TMEM131: variants seen among roughly 807,000 people sequenced by gnomAD.
TMEM131 encodes the protein 2610524E03Rik.
In TMEM131, 66 loss-of-function variants were observed where a neutral mutation model predicts 211.6. That is an observed-to-expected ratio of 0.31 (90% CI 0.26 to 0.38). The LOEUF (loss-of-function observed/expected upper bound fraction) is 0.38, where lower values mean the gene tolerates loss of function less well. Among genes scored for constraint, TMEM131 ranks in the 10% least tolerant of loss-of-function variants. The pLI is 1.00. For missense variants in TMEM131, 2,036 were observed against 2,299.3 expected, an observed-to-expected ratio of 0.89 and a Z score of 2.34; for synonymous variants, 844 against 841.3, an observed-to-expected ratio of 1.00 and a Z score of -0.06.
intron 1 of TMEM131, among the ~76,000 whole-genome samples, chr2:97,994,097 T>C (rs1427798045): frequency 1.3e-5 from 2 of 152,140 alleles, no homozygotes; most frequent in Non-Finnish European, 2.9e-5. Flanking sequence ...CCAAAAAATG[T>C]CCATTAAATT....
At chr2:97,875,495 T>C (rs1469593347) in intron 4 of TMEM131, among the ~76,000 whole-genome samples, 5 of 152,118 alleles carry the variant, frequency 3.3e-5, no homozygotes, top group Non-Finnish European at 5.9e-5. Context: ...ATATGCAAGA[T>C]AACAGAAATC....
intron 1 of TMEM131, among the ~76,000 whole-genome samples, chr2:97,948,528 G>A (rs1312927085): frequency 6.6e-6 from 1 of 152,092 alleles, no homozygotes; most frequent in Non-Finnish European, 1.5e-5. Context: ...CCAATAAAAT[G>A]ATTAAGATGA....
chr2:97,910,893 C>A (rs1348182813), intron 2 of TMEM131, among the ~76,000 whole-genome samples: 1 of 152,042 alleles, frequency 6.6e-6, no homozygotes, highest in Non-Finnish European at 1.5e-5. Flanking sequence ...AAACATACAC[C>A]TACCATATGA....
chr2:97,844,190 A>G lies in TMEM131; in HGVS notation c.555T>C (p.Asn185=). ...FLARVVGNVE[N]TLFINTSNHG... ...GATTAGATGTATTAATAAATAAAGT[A>G]TTTTCTACATTTCCTACTACTCTTG... The change falls in exon 6 of 41, where the codon AAT becomes AAC. Residue 185 remains asparagine (N), a synonymous_variant. Transcript: ENST00000186436. 7.6e-7 allele frequency: 1 copy of G among 1,315,416 alleles called. No individual in the cohort carries two copies. 81.5% of individuals were successfully genotyped at this position (1,315,416 alleles called of 1,614,324 possible). A position where few individuals can be genotyped will look rare whatever the true frequency, so the allele number is the denominator to read the frequency against.
chr2:97,946,008 A>G (rs1042635488), intron 1 of TMEM131, among the ~76,000 whole-genome samples: 5 of 152,140 alleles, frequency 3.3e-5, no homozygotes, highest in African/African-American at 1.2e-4. Context: ...GTGGTATTAT[A>G]GCCATCTTAA....
intron 3 of TMEM131, among the ~76,000 whole-genome samples, chr2:97,890,921 G>A (rs1675349915): frequency 6.6e-6 from 1 of 152,184 alleles, no homozygotes; most frequent in Non-Finnish European, 1.5e-5. Flanking sequence ...AGAAGAAACA[G>A]TACATCAAAT....
intron 2 of TMEM131, among the ~76,000 whole-genome samples, chr2:97,925,172 CT>C (rs1194688455): frequency 9.8e-5 from 15 of 152,320 alleles, no homozygotes; most frequent in African/African-American, 3.4e-4. Context: ...GTGTCCACCC[CT>C]GCCTCTATTT....
chr2:97,761,046 CTCA>C, intron 36 of TMEM131, 132 bp from the exon 37 acceptor site: 1 of 1,220,372 alleles, frequency 8.2e-7, no homozygotes, highest in Admixed American at 2.2e-5. Context: ...ATCGCTCAGC[CTCA>C]TGTCACATGC....
At chr2:97,824,040 A>C (rs1682255394) in intron 11 of TMEM131, among the ~76,000 whole-genome samples, 1 of 152,218 alleles carries the variant, frequency 6.6e-6, no homozygotes, top group Admixed American at 6.5e-5. Context: ...AAGGCCCTCA[A>C]ACAAACCTTG....
In TMEM131 at chr2:97,792,995, G is replaced by A; in HGVS notation, c.3546-11C>T. The A allele has an allele frequency of 6.6e-7, 1 of 1,512,338 alleles. No individual in the cohort carries two copies. Among genetic ancestry groups the A allele is most frequent in the South Asian group, 1.3e-5 (1 of 78,990 alleles). The allele number at this position is 1,512,338 out of a possible 1,614,324, so 93.7% of individuals were successfully genotyped here. A position where few individuals can be genotyped will look rare whatever the true frequency, so the allele number is the denominator to read the frequency against. ...CTGAGTGTGTTCAAGCTGAAAAAGG[G>A]ACCAACTGCAGATCAGTAAATAGCA... On this transcript the variant is annotated splice_polypyrimidine_tract_variant and intron_variant, in intron 30 of 40. Transcript: ENST00000186436.
chr2:97,785,766 A>T (rs1258393734), intron 31 of TMEM131, among the ~76,000 whole-genome samples: 1 of 152,216 alleles, frequency 6.6e-6, no homozygotes, highest in East Asian at 1.9e-4. Context: ...GACATAATCC[A>T]AATGTTCTTC....
chr2:97,856,280 G>A, intron 5 of TMEM131, among the ~76,000 whole-genome samples: 1 of 152,026 alleles, frequency 6.6e-6, no homozygotes. Context: ...ATTATAATTA[G>A]ATAATTATAT....
At position 97,954,276 on chromosome 2, in the gene TMEM131, G is replaced by A. The variant is rs574277679; in HGVS notation, c.188-26789C>T. 2.2e-4 allele frequency among the ~76,000 whole-genome samples: 33 copies of A among 152,268 alleles called. No homozygotes were observed. In the South Asian group the frequency reaches 5.6e-3, roughly 26 times the overall value. On this transcript the variant is annotated intron_variant, in intron 1 of 40. Transcript: ENST00000186436. ...AAACTGAAAAGGCTCTAGCAAGACT[G>A]ACAAAAAGGTGAAGACACAAAGCAC... is the stretch of plus-strand genomic sequence containing the variant.
chr2:97,895,844 G>GT (rs1244431215), intron 3 of TMEM131, among the ~76,000 whole-genome samples: 1 of 151,958 alleles, frequency 6.6e-6, no homozygotes, highest in Non-Finnish European at 1.5e-5. Context: ...TTTTTGAAGG[G>GT]TTTTTTGTGT....
At chr2:97,826,711 A>G (rs927387471) in intron 11 of TMEM131, among the ~76,000 whole-genome samples, 1 of 152,220 alleles carries the variant, frequency 6.6e-6, no homozygotes, top group African/African-American at 2.4e-5. Context: ...AAAGAAAAAG[A>G]AATGGAAGTA....
chr2:97,817,065 G>C (rs772458220), intron 12 of TMEM131, among the ~76,000 whole-genome samples: 23 of 152,134 alleles, frequency 1.5e-4, no homozygotes, highest in Non-Finnish European at 2.9e-4. Flanking sequence ...TCCCTTTGCT[G>C]TTGTTATTTA....
rs999113391 is a variant in TMEM131 at position 97,757,241 on chromosome 2, G to C, written c.5510C>G (p.Ser1837Cys). 6 of 1,614,012 alleles carry C rather than the reference G, an allele frequency of 3.7e-6. No individual in the cohort carries two copies. The highest frequency in any genetic ancestry group is 1.7e-5 in the Admixed American group (1 of 60,020). Reference protein sequence around the residue: ...ASIGLMGTENSPAPHAPSTSS... With the variant: ...ASIGLMGTENCPAPHAPSTSS... Reference sequence around the variant, plus strand: ...GGTGGAGGGAGCGTGAGGAGCAGGGGAGTTTTCTGTGCCCATGAGGCCGAT... The same window carrying C: ...GGTGGAGGGAGCGTGAGGAGCAGGGCAGTTTTCTGTGCCCATGAGGCCGAT... The change falls in exon 41 of 41, where the codon TCC becomes TGC. Residue 1837 changes from serine to cysteine, a missense_variant. By Grantham distance (112) the Ser-to-Cys change is moderately radical. Coordinates refer to ENST00000186436, the MANE Select transcript of TMEM131 (RefSeq NM_015348.2).
At chr2:97,932,133 C>A (rs1200923179) in intron 1 of TMEM131, among the ~76,000 whole-genome samples, 3 of 136,334 alleles carry the variant, frequency 2.2e-5, no homozygotes, top group Non-Finnish European at 3.2e-5. Context: ...CAGAACAAGA[C>A]CCTGTCTTAA....
At chr2:97,827,806 T>C (rs548343451) in intron 11 of TMEM131, among the ~76,000 whole-genome samples, 14 of 152,338 alleles carry the variant, frequency 9.2e-5, no homozygotes, top group African/African-American at 2.9e-4. Context: ...AGGCTCTGAT[T>C]GTCTCGGGTG....
Sources: gnomAD v4.1 joint callset for allele counts (sites outside exome capture counted in the v4.1 genomes callset) on GRCh38, gnomAD v4.1.1 for gene constraint, MANE v1.5 for transcripts, NCBI Gene and HGNC (gene_info 2026-07-23, HGNC 2026-07-21) for gene names.